Variants in EXOC4 observed in about 807,000 individuals in gnomAD.
EXOC4 encodes the protein SEC8-like 1.
EXOC4 carries 71 observed loss-of-function variants against 107.2 expected under a neutral mutation model. The observed-to-expected ratio is 0.66, with a 90% CI of 0.55 to 0.81. The LOEUF (loss-of-function observed/expected upper bound fraction) is 0.81, where lower values mean the gene tolerates loss of function less well. Ranked by LOEUF, EXOC4 falls within the 30% of genes least tolerant of loss-of-function variation. The probability of loss-of-function intolerance (pLI) is 0.00; values close to 1 mark genes in which losing one functional copy is unlikely to be tolerated. For missense variants in EXOC4, 1,108 were observed against 1,189.6 expected (o/e 0.93, Z 1.01); for synonymous variants, 456 against 441.2 (o/e 1.03, Z -0.42).
chr7:133,298,951 G>A (rs994116863), intron 3 of EXOC4, among the ~76,000 whole-genome samples: 1 of 152,164 alleles, frequency 6.6e-6, no homozygotes, highest in African/African-American at 2.4e-5. Flanking sequence ...TCATGGACTA[G>A]TATGAAAATA....
intron 14 of EXOC4, among the ~76,000 whole-genome samples, chr7:133,948,045 C>T (rs1364749370): frequency 1.3e-5 from 2 of 152,162 alleles, no homozygotes; most frequent in Admixed American, 6.5e-5. Flanking sequence ...GAGCCTGAGC[C>T]GACACCCAGC....
chr7:133,627,945 T>C (rs1269883166), intron 9 of EXOC4, among the ~76,000 whole-genome samples: 1 of 152,178 alleles, frequency 6.6e-6, no homozygotes, highest in African/African-American at 2.4e-5. Flanking sequence ...AGGGTATGGA[T>C]TTCTGAAGCT....
chr7:133,602,425 C>T (rs931789006), intron 9 of EXOC4, among the ~76,000 whole-genome samples: 10 of 152,144 alleles, frequency 6.6e-5, no homozygotes, highest in African/African-American at 2.2e-4. Context: ...TTGAGTTTCC[C>T]AGGTTGTTAT....
At chr7:133,296,061 C>G (rs887223477) in intron 3 of EXOC4, among the ~76,000 whole-genome samples, 2 of 152,100 alleles carry the variant, frequency 1.3e-5, no homozygotes, top group Non-Finnish European at 2.9e-5. Flanking sequence ...CCATCTGTTC[C>G]TAGTGTAGAA....
chr7:133,740,871 C>G (rs1795550079), intron 10 of EXOC4, among the ~76,000 whole-genome samples: 1 of 152,074 alleles, frequency 6.6e-6, no homozygotes, highest in South Asian at 2.1e-4. Context: ...ATATTAACAT[C>G]CTCACATTAG....
At chr7:133,364,554 T>C (rs1796209966) in intron 6 of EXOC4, among the ~76,000 whole-genome samples, 1 of 152,168 alleles carries the variant, frequency 6.6e-6, no homozygotes, top group Admixed American at 6.5e-5. Context: ...ATCACCAGTG[T>C]CACTAGAGAG....
rs1794681412 is a variant in EXOC4, at chr7:134,007,976, C to G, written c.2687+141C>G. ...GAAGCACAGATAGATGTTTTTAGGT[C>G]CTATAGAGAAAATAATTCCACAGAA... is the stretch of plus-strand genomic sequence containing the variant. On this transcript the variant is annotated intron_variant, in intron 17 of 17. Transcript: ENST00000253861. The G allele has an allele frequency of 4.2e-6, 3 of 720,180 alleles. No homozygotes were observed. The African/African-American group carries it at 5.4e-5, about 13-fold the overall frequency. The allele number at this position is 720,180 out of a possible 1,614,324, so 44.6% of individuals were successfully genotyped here.
At chr7:133,923,995 G>GT (rs55812659) in intron 13 of EXOC4, among the ~76,000 whole-genome samples, 88,988 of 150,836 alleles carry the variant, frequency 0.59, 27,689 homozygotes, top group African/African-American at 0.79. Flanking sequence ...TAACTTGAGG[G>GT]TTTTTTTTTC....
chr7:133,982,584 T>C (rs1170058714), intron 14 of EXOC4, among the ~76,000 whole-genome samples: 2 of 151,918 alleles, frequency 1.3e-5, no homozygotes, highest in African/African-American at 2.4e-5. Context: ...AGATACTGGG[T>C]TTTTGTTACT....
At chr7:133,914,081 A>G (rs985134373) in intron 12 of EXOC4, among the ~76,000 whole-genome samples, 4 of 152,304 alleles carry the variant, frequency 2.6e-5, no homozygotes, top group South Asian at 2.1e-4. Flanking sequence ...CAGTGGAGTA[A>G]TGGTTCTAGA....
At chr7:133,624,573 A>C (rs1242953694) in intron 9 of EXOC4, among the ~76,000 whole-genome samples, 1 of 151,990 alleles carries the variant, frequency 6.6e-6, no homozygotes, top group Non-Finnish European at 1.5e-5. Context: ...ACAGAGCAAG[A>C]CTGCATCTCT....
At chr7:133,285,431 A>G (rs560841539) in intron 2 of EXOC4, among the ~76,000 whole-genome samples, 4 of 152,226 alleles carry the variant, frequency 2.6e-5, no homozygotes, top group African/African-American at 9.6e-5. Flanking sequence ...CTTTCCTCAT[A>G]CTTGATTGAT....
At chr7:133,531,747 A>G (rs1424438276) in intron 9 of EXOC4, among the ~76,000 whole-genome samples, 1 of 152,146 alleles carries the variant, frequency 6.6e-6, no homozygotes, top group Non-Finnish European at 1.5e-5. Context: ...AGTAAACCTT[A>G]CTTTTAATAA....
At chr7:133,428,250 C>T (rs576429528) in intron 7 of EXOC4, among the ~76,000 whole-genome samples, 1 of 152,144 alleles carries the variant, frequency 6.6e-6, no homozygotes, top group Non-Finnish European at 1.5e-5. Flanking sequence ...CTTGTGTAGT[C>T]GAATGTAAAT....
intron 16 of EXOC4, among the ~76,000 whole-genome samples, 192 bp from the exon 17 acceptor site, chr7:134,007,484 A>T (rs1794668212): frequency 6.6e-6 from 1 of 152,196 alleles, no homozygotes; most frequent in Non-Finnish European, 1.5e-5. Flanking sequence ...ACTCATTTGT[A>T]ACTACTAGGA....
intron 10 of EXOC4, among the ~76,000 whole-genome samples, chr7:133,796,555 C>T (rs755570361): frequency 6.6e-6 from 1 of 152,010 alleles, no homozygotes; most frequent in Non-Finnish European, 1.5e-5. Flanking sequence ...GTCAAGAGAT[C>T]GAGACCATCC....
At chr7:133,643,743 AAAAGGAAAT>A (rs2151027290) in intron 10 of EXOC4, among the ~76,000 whole-genome samples, 2 of 152,360 alleles carry the variant, frequency 1.3e-5, no homozygotes, top group East Asian at 3.9e-4. Flanking sequence ...TGATGAAGGA[AAAAGGAAAT>A]AAAATGAAGA....
At chr7:133,687,362 T>G (rs1029791554) in intron 10 of EXOC4, among the ~76,000 whole-genome samples, 3 of 151,906 alleles carry the variant, frequency 2.0e-5, no homozygotes, top group African/African-American at 7.3e-5. Flanking sequence ...GAGAACTTAC[T>G]CATGTAACCA....
chr7:133,491,700 C>A (rs984765016), intron 9 of EXOC4, among the ~76,000 whole-genome samples: 1 of 152,102 alleles, frequency 6.6e-6, no homozygotes, highest in Non-Finnish European at 1.5e-5. Context: ...GAAGATAAGA[C>A]ATGCAAACAG....
Sources: allele counts gnomAD v4.1 joint callset (sites outside exome capture counted in the v4.1 genomes callset), GRCh38; gene constraint gnomAD v4.1.1; transcripts MANE v1.5; gene names NCBI Gene and HGNC (gene_info 2026-07-23, HGNC 2026-07-21).